The following ZNF804A variants were observed in gnomAD, a reference collection of about 807,000 sequenced individuals.
The protein encoded by ZNF804A is zinc finger protein 804A.
A neutral mutation model predicts 16.5 loss-of-function variants in ZNF804A; 2 were observed. That is an observed-to-expected ratio of 0.12 (90% CI 0.05 to 0.38). The LOEUF is 0.38. Ranked by LOEUF, ZNF804A falls within the 10% of genes least tolerant of loss-of-function variation. The pLI is 0.99. For missense variants in ZNF804A, 1,473 were observed against 1,390.7 expected, an observed-to-expected ratio of 1.06 and a Z score of -0.94; for synonymous variants, 534 against 489.6, an observed-to-expected ratio of 1.09 and a Z score of -1.20.
intron 2 of ZNF804A, among the ~76,000 whole-genome samples, chr2:184,890,378 A>G (rs774874418): frequency 2.0e-5 from 3 of 152,144 alleles, no homozygotes; most frequent in Non-Finnish European, 4.4e-5. Flanking sequence ...AAGGAAAGCT[A>G]TCAACAATGT....
intron 1 of ZNF804A, among the ~76,000 whole-genome samples, chr2:184,782,852 A>G (rs538185757): frequency 6.7e-6 from 1 of 148,544 alleles, no homozygotes; most frequent in East Asian, 2.0e-4. Flanking sequence ...ATTGATTTAT[A>G]TTGACAACAT....
chr2:184,832,586 C>T (rs1396607503), intron 1 of ZNF804A, among the ~76,000 whole-genome samples: 1 of 151,772 alleles, frequency 6.6e-6, no homozygotes, highest in Non-Finnish European at 1.5e-5. Context: ...AATCATACTC[C>T]CAGTTTATAG....
At chr2:184,706,605 A>T (rs12105548) in intron 1 of ZNF804A, among the ~76,000 whole-genome samples, 10,522 of 152,206 alleles carry the variant, frequency 0.069, 1,238 homozygotes, top group African/African-American at 0.24. Context: ...AGAGTTGTCT[A>T]GCCTGACATT....
chr2:184,738,124 CTA>C (rs1693659038), intron 1 of ZNF804A, among the ~76,000 whole-genome samples: 1 of 115,894 alleles, frequency 8.6e-6, no homozygotes, highest in African/African-American at 3.9e-5. Flanking sequence ...GGAACTTTGT[CTA>C]AAAAAAAAAA....
At chr2:184,813,187 A>G (rs1694927924) in intron 1 of ZNF804A, among the ~76,000 whole-genome samples, 1 of 152,146 alleles carries the variant, frequency 6.6e-6, no homozygotes, top group African/African-American at 2.4e-5. Context: ...AAAGTGGTTT[A>G]AAATTGTGTT....
chr2:184,805,364 T>C (rs563236127), intron 1 of ZNF804A, among the ~76,000 whole-genome samples: 3 of 152,268 alleles, frequency 2.0e-5, no homozygotes, highest in African/African-American at 7.2e-5. Context: ...ATATAATGTC[T>C]TAGTACTGTA....
Position 184,604,792 on chromosome 2 carries a change from G to A in ZNF804A, c.111+5722G>A, listed in dbSNP as rs1028586485. Among the ~76,000 whole-genome samples, 4 of 152,078 alleles carry A rather than the reference G, an allele frequency of 2.6e-5. 1 individual carries two copies. The highest frequency in any genetic ancestry group is 2.0e-4 in the Admixed American group (3 of 15,264). On this transcript the variant is annotated intron_variant, in intron 1 of 3. Transcript: ENST00000302277. Reference sequence around the variant, plus strand: ...ATGTGGAGACAGAAATATTTCTATCGTTATATTTTATTCTGTAGTACCTGT... The same window carrying A: ...ATGTGGAGACAGAAATATTTCTATCATTATATTTTATTCTGTAGTACCTGT...
chr2:184,822,626 T>A (rs995732345), intron 1 of ZNF804A, among the ~76,000 whole-genome samples: 1 of 152,182 alleles, frequency 6.6e-6, no homozygotes, highest in Non-Finnish European at 1.5e-5. Flanking sequence ...CTTAAACTTT[T>A]GAGCAGATTT....
At chr2:184,833,369 A>G (rs772789112) in intron 1 of ZNF804A, among the ~76,000 whole-genome samples, 2 of 152,030 alleles carry the variant, frequency 1.3e-5, no homozygotes, top group African/African-American at 4.8e-5. Flanking sequence ...GTTCTGTCCA[A>G]CAGAAATATT....
At chr2:184,762,015 T>C (rs115202738) in intron 1 of ZNF804A, among the ~76,000 whole-genome samples, 142 of 152,236 alleles carry the variant, frequency 9.3e-4, no homozygotes, top group South Asian at 2.3e-3. Context: ...TCCTTCAAAC[T>C]GCTGACGTAT....
chr2:184,695,859 T>C (rs1692822768), intron 1 of ZNF804A, among the ~76,000 whole-genome samples: 1 of 152,234 alleles, frequency 6.6e-6, no homozygotes, highest in Non-Finnish European at 1.5e-5. Flanking sequence ...ATTGAGACTA[T>C]TGTATCCTCT....
At position 184,700,219 on chromosome 2, in the gene ZNF804A, C is replaced by T. The variant is rs556007714; in HGVS notation, c.111+101149C>T. Among the ~76,000 whole-genome samples the T allele has an allele frequency of 2.0e-5, 3 of 152,092 alleles. No individual in the cohort carries two copies. In the East Asian group the frequency reaches 5.8e-4, roughly 29 times the overall value. ...TTTTCAAGCATTTTTGTTAGATGTC[C>T]AACAGACTTAATTGAATACAAAAGT... On this transcript the variant is annotated intron_variant, in intron 1 of 3. Coordinates refer to ENST00000302277, the MANE Select transcript of ZNF804A (RefSeq NM_194250.2).
chr2:184,936,738 A>G lies in ZNF804A; in HGVS notation c.1342A>G (p.Thr448Ala), dbSNP rs747222445. The change falls in exon 4 of 4, where the codon ACT (threonine) becomes GCT (alanine). Residue 448 changes from threonine (T) to alanine (A), a missense_variant. By Grantham distance (58) the Thr-to-Ala change is moderately conservative. Coordinates refer to ENST00000302277, the MANE Select transcript of ZNF804A (RefSeq NM_194250.2). ...GCCATCAGAAATGCTGGTTTATACAACTACGAAACCATCAATTTCCTATAG... is the reference window on the plus strand; with the variant it reads ...GCCATCAGAAATGCTGGTTTATACAGCTACGAAACCATCAATTTCCTATAG... ...QWPSEMLVYT[T>A]TKPSISYSCN... The G allele has an allele frequency of 1.9e-6, 3 of 1,613,848 alleles. No homozygotes were observed. Among genetic ancestry groups the G allele is most frequent in the Non-Finnish European group, 2.5e-6 (3 of 1,179,898 alleles).
intron 2 of ZNF804A, among the ~76,000 whole-genome samples, chr2:184,871,424 A>AC (rs1475042226): frequency 1.3e-5 from 2 of 151,122 alleles, no homozygotes; most frequent in East Asian, 3.9e-4. Flanking sequence ...GCAAAAAAAA[A>AC]AAAAACAAAA....
At chr2:184,650,644 C>T (rs1691966584) in intron 1 of ZNF804A, among the ~76,000 whole-genome samples, 1 of 152,040 alleles carries the variant, frequency 6.6e-6, no homozygotes, top group South Asian at 2.1e-4. Context: ...CATTTCTTAA[C>T]ATCTGAGAGT....
intron 1 of ZNF804A, among the ~76,000 whole-genome samples, chr2:184,728,454 C>T (rs1693458599): frequency 6.6e-6 from 1 of 151,800 alleles, no homozygotes; most frequent in Non-Finnish European, 1.5e-5. Context: ...CTTTATCAAA[C>T]TAGTTCCCAG....
chr2:184,834,261 T>C (rs1182151749), intron 1 of ZNF804A, among the ~76,000 whole-genome samples: 2 of 152,094 alleles, frequency 1.3e-5, no homozygotes, highest in South Asian at 4.1e-4. Flanking sequence ...ATTTGGCCAC[T>C]GGAAGATTCT....
At chr2:184,638,384 A>C (rs1276805368) in intron 1 of ZNF804A, among the ~76,000 whole-genome samples, 1 of 152,164 alleles carries the variant, frequency 6.6e-6, no homozygotes, top group Non-Finnish European at 1.5e-5. Context: ...ACAGTCATAG[A>C]CAATTTTCAA....
rs561724879 is a variant in ZNF804A, at chr2:184,835,073, G to A, written c.112-31296G>A. Among the ~76,000 whole-genome samples, 5 of 152,220 alleles carry A rather than the reference G, an allele frequency of 3.3e-5. No individual in the cohort carries two copies. In the South Asian group the frequency reaches 8.3e-4, roughly 25 times the overall value. On this transcript the variant is annotated intron_variant, in intron 1 of 3. Transcript: ENST00000302277. ...TAAATGTTAAATTGTTCCTTCCTCA[G>A]CAAATTAACAGGATAGAAGAAGACC...
Sources: gnomAD v4.1 joint callset for allele counts (sites outside exome capture counted in the v4.1 genomes callset) on GRCh38, gnomAD v4.1.1 for gene constraint, MANE v1.5 for transcripts, NCBI Gene and HGNC (gene_info 2026-07-23, HGNC 2026-07-21) for gene names.